The following KDM3B variants were observed in gnomAD, a reference collection of about 807,000 sequenced individuals.
KDM3B encodes the protein lysine demethylase 3B, also known as lysine-specific demethylase 3B.
Under a neutral mutation model 170.0 loss-of-function variants are expected in KDM3B, and 10 were observed. The observed-to-expected ratio is 0.06, with a 90% CI of 0.04 to 0.10. The LOEUF (loss-of-function observed/expected upper bound fraction) is 0.10. Ranked by LOEUF, KDM3B falls within the 10% of genes least tolerant of loss-of-function variation. The pLI is 1.00. For synonymous variants in KDM3B, 831 were observed against 834.8 expected, an observed-to-expected ratio of 1.00 and a Z score of 0.08; for missense variants, 1,394 against 2,195.2, an observed-to-expected ratio of 0.64 and a Z score of 7.29.
chr5:138,400,574 C>T (rs993704690), intron 11 of KDM3B, among the ~76,000 whole-genome samples: 3 of 151,878 alleles, frequency 2.0e-5, no homozygotes, highest in African/African-American at 7.3e-5. Context: ...AGCAAGACCC[C>T]ATCTCTACAA....
chr5:138,425,011 C>T (rs536080739), intron 16 of KDM3B, among the ~76,000 whole-genome samples: 1 of 152,186 alleles, frequency 6.6e-6, no homozygotes, highest in South Asian at 2.1e-4. Context: ...TGTTTTAAGG[C>T]CACACAAGTT....
chr5:138,434,039 C>G (rs1763608259), intron 23 of KDM3B, among the ~76,000 whole-genome samples: 1 of 152,162 alleles, frequency 6.6e-6, no homozygotes, highest in Non-Finnish European at 1.5e-5. Context: ...CGTGCCCGTC[C>G]AACATTGGTG....
At chr5:138,363,615 C>T (rs951225578) in intron 1 of KDM3B, among the ~76,000 whole-genome samples, 5 of 151,938 alleles carry the variant, frequency 3.3e-5, no homozygotes, top group African/African-American at 4.8e-5. Context: ...GGTGTGATCT[C>T]GGCTCACTGC....
intron 5 of KDM3B, among the ~76,000 whole-genome samples, chr5:138,380,421 ATATAGT>A (rs1413856798): frequency 6.6e-6 from 1 of 150,708 alleles, no homozygotes; most frequent in Admixed American, 6.6e-5. Context: ...CATATAGTAC[ATATAGT>A]TATATAATTT....
intron 17 of KDM3B, among the ~76,000 whole-genome samples, chr5:138,426,137 T>C (rs1763385374): frequency 6.6e-6 from 1 of 152,218 alleles, no homozygotes; most frequent in Non-Finnish European, 1.5e-5. Flanking sequence ...TGTGATTCCA[T>C]GGGCTATGCA....
At chr5:138,428,849 T>C (rs1763459966) in intron 20 of KDM3B, among the ~76,000 whole-genome samples, 1 of 152,074 alleles carries the variant, frequency 6.6e-6, no homozygotes, top group Non-Finnish European at 1.5e-5. Context: ...GTGTTAAAAT[T>C]AATACATGTT....
chr5:138,413,218 T>A (rs1397480890), intron 11 of KDM3B, among the ~76,000 whole-genome samples: 1 of 151,808 alleles, frequency 6.6e-6, no homozygotes, highest in African/African-American at 2.4e-5. Context: ...CCTGTCTCTA[T>A]GAAAAACACA....
Position 138,435,735 on chromosome 5 carries a change from G to T in KDM3B, c.*35G>T, listed in dbSNP as rs1421735944. 5 of 1,524,312 alleles carry T rather than the reference G, an allele frequency of 3.3e-6. No homozygotes were observed. The highest frequency in any genetic ancestry group is 4.5e-6 in the Non-Finnish European group (5 of 1,104,696). The allele number at this position is 1,524,312 out of a possible 1,614,324, so 94.4% of individuals were successfully genotyped here. A position where few individuals can be genotyped will look rare whatever the true frequency, so the allele number is the denominator to read the frequency against. On this transcript the variant is annotated 3_prime_UTR_variant, in exon 24 of 24. Transcript: ENST00000314358. ...AACTCCAAGCTCCTCTGTGAAGCAG[G>T]TCTTTCACTCACAACACTTAACAGG...
chr5:138,399,250 T>G (rs1037565562), intron 10 of KDM3B, among the ~76,000 whole-genome samples: 2 of 151,844 alleles, frequency 1.3e-5, no homozygotes, highest in Non-Finnish European at 2.9e-5. Flanking sequence ...TAAAAATTTT[T>G]CAATTCCGGC....
intron 9 of KDM3B, among the ~76,000 whole-genome samples, chr5:138,397,098 A>G (rs1430943560): frequency 2.0e-5 from 3 of 152,164 alleles, no homozygotes; most frequent in Non-Finnish European, 4.4e-5. Flanking sequence ...TGGGAGGCCG[A>G]GGCAGGTGGA....
At chr5:138,430,548 T>C (rs527723694) in intron 22 of KDM3B, 123 bp downstream of exon 22, 2 of 874,278 alleles carry the variant, frequency 2.3e-6, no homozygotes, top group East Asian at 2.5e-5. Context: ...TGCTGCAACT[T>C]ATTTTATGCT....
At position 138,417,597 on chromosome 5, in the gene KDM3B, A is replaced by G. The variant is rs772040193; in HGVS notation, c.3422A>G (p.Asn1141Ser). The change falls in exon 13 of 24, where the codon AAT becomes AGT. Residue 1141 changes from asparagine to serine, a missense_variant. By Grantham distance (46) the Asn-to-Ser change is conservative (BLOSUM62 1). This residue lies in a region of KDM3B where 14 missense variants were observed against 32.5 expected (regional missense o/e 0.43). Coordinates refer to ENST00000314358, the MANE Select transcript of KDM3B (RefSeq NM_016604.4). Reference sequence around the variant, plus strand: ...TCTGTATTGAGACCTGCCGTCACCAATGGGATGTCACAGGTAAACTGGTGT... The same window carrying G: ...TCTGTATTGAGACCTGCCGTCACCAGTGGGATGTCACAGGTAAACTGGTGT... ...NKSVLRPAVT[N>S]GMSQLPSINP... 15 of 1,614,030 alleles carry G rather than the reference A, an allele frequency of 9.3e-6. No homozygotes were observed. The highest frequency in any genetic ancestry group is 1.2e-5 in the Non-Finnish European group (14 of 1,179,962).
chr5:138,400,221 TC>T (rs1370773266), intron 11 of KDM3B, among the ~76,000 whole-genome samples: 2 of 152,058 alleles, frequency 1.3e-5, no homozygotes, highest in Admixed American at 1.3e-4. Context: ...TCTTAATTTT[TC>T]CTTGGTTTTT....
intron 1 of KDM3B, among the ~76,000 whole-genome samples, chr5:138,363,002 A>G (rs1327187172): frequency 6.6e-6 from 1 of 151,636 alleles, no homozygotes; most frequent in Non-Finnish European, 1.5e-5. Context: ...GGTTCTGGGT[A>G]TTTACTTTTC....
chr5:138,415,035 A>C, intron 11 of KDM3B, 97 bp from the exon 12 acceptor site: 1 of 667,870 alleles, frequency 1.5e-6, no homozygotes, highest in Non-Finnish European at 2.6e-6. Context: ...TCCTTCAGCC[A>C]TGAGAAAATT....
Position 138,391,389 on chromosome 5 carries a change from G to T in KDM3B, c.1757G>T (p.Gly586Val), listed in dbSNP as rs1217632173. ...GTDTKPGSKAGSSVDRKVPAE... is the reference protein window; with the variant it reads ...GTDTKPGSKAVSSVDRKVPAE... ...GACACTAAGCCAGGCTCTAAGGCTG[G>T]CAGCTCTGTGGACCGGAAAGTGCCT... is the stretch of plus-strand genomic sequence containing the variant. The change falls in exon 8 of 24, where the codon GGC becomes GTC. Residue 586 changes from glycine to valine, a missense_variant. Physicochemically the swap from Gly to Val is moderately radical, Grantham distance 109. This residue lies in a region of KDM3B where 294 missense variants were observed against 311.7 expected (regional missense o/e 0.94). Coordinates refer to ENST00000314358, the MANE Select transcript of KDM3B (RefSeq NM_016604.4). The surrounding 1 kb of genome is among the most constrained non-coding windows in gnomAD (Gnocchi z 5.0). The T allele has an allele frequency of 3.1e-6, 5 of 1,613,866 alleles. No homozygotes were observed. The East Asian group carries it at 1.1e-4, about 36-fold the overall frequency.
chr5:138,387,849 A>G (rs1018858460), intron 7 of KDM3B, among the ~76,000 whole-genome samples: 1 of 152,218 alleles, frequency 6.6e-6, no homozygotes, highest in Non-Finnish European at 1.5e-5. Context: ...TGGGAGGCCA[A>G]GGCGGGCGGA....
intron 20 of KDM3B, among the ~76,000 whole-genome samples, chr5:138,428,535 G>A (rs1463718184): frequency 6.6e-6 from 1 of 152,080 alleles, no homozygotes; most frequent in East Asian, 1.9e-4. Flanking sequence ...TTATTCCCCT[G>A]GTGGCTTTTT....
In KDM3B at chr5:138,420,973, T is replaced by C; in HGVS notation, c.3972+11T>C. The C allele has an allele frequency of 6.2e-7, 1 of 1,613,568 alleles. No individual in the cohort carries two copies. Among genetic ancestry groups the C allele is most frequent in the Non-Finnish European group, 8.5e-7 (1 of 1,179,600 alleles). ...TCTACATCCTCAGCAGTAAGTGTCCTCTGCAACTGTAGCCTTTTCAGCTTT... is the reference window on the plus strand; with the variant it reads ...TCTACATCCTCAGCAGTAAGTGTCCCCTGCAACTGTAGCCTTTTCAGCTTT... On this transcript the variant is annotated intron_variant, in intron 15 of 23. Transcript: ENST00000314358.
Sources: allele counts gnomAD v4.1 joint callset (sites outside exome capture counted in the v4.1 genomes callset), GRCh38; gene constraint gnomAD v4.1.1; regional missense constraint gnomAD v4.1.1; non-coding constraint Gnocchi (gnomAD v3.1); transcripts MANE v1.5; gene names NCBI Gene and HGNC (gene_info 2026-07-23, HGNC 2026-07-21).